The following LINGO2 variants were observed in gnomAD, a reference collection of about 807,000 sequenced individuals.
LINGO2 encodes leucine rich repeat and Ig domain containing 2.
A neutral mutation model predicts 30.6 loss-of-function variants in LINGO2; 14 were observed. The ratio of observed to expected loss-of-function variants is 0.46; its 90% CI spans 0.30 to 0.72. The LOEUF is 0.72. Ranked by LOEUF, LINGO2 falls within the 30% of genes least tolerant of loss-of-function variation. The pLI, the probability that LINGO2 is intolerant of heterozygous loss-of-function variation, is 0.07. For missense variants in LINGO2, 729 were observed against 751.7 expected, an observed-to-expected ratio of 0.97 and a Z score of 0.35; for synonymous variants, 317 against 288.5, an observed-to-expected ratio of 1.10 and a Z score of -1.00.
chr9:28,294,881 A>G (rs10968458), intron 4 of LINGO2, among the ~76,000 whole-genome samples: 10,989 of 152,226 alleles, frequency 0.072, 722 homozygotes, highest in East Asian at 0.38. Flanking sequence ...CACTTTCTCT[A>G]ATGCACCTTC....
intron 1 of LINGO2, among the ~76,000 whole-genome samples, chr9:28,601,725 T>G (rs929469984): frequency 2.6e-5 from 4 of 152,128 alleles, no homozygotes; most frequent in African/African-American, 9.6e-5. Context: ...AAACTCCTGC[T>G]GAGAAAGAAG....
intron 1 of LINGO2, among the ~76,000 whole-genome samples, chr9:28,517,576 A>G (rs1820670822): frequency 6.6e-6 from 1 of 152,184 alleles, no homozygotes; most frequent in Non-Finnish European, 1.5e-5. Context: ...AAACTGGTAA[A>G]TTGCATTTTA....
the LINGO2 span, among the ~76,000 whole-genome samples, chr9:29,066,647 T>C: frequency 6.6e-6 from 1 of 151,918 alleles, no homozygotes; most frequent in Admixed American, 6.6e-5. Context: ...AAGCATCTAG[T>C]TAATACTAAA....
At chr9:28,058,034 A>G (rs978795061) in intron 4 of LINGO2, among the ~76,000 whole-genome samples, 6 of 152,112 alleles carry the variant, frequency 3.9e-5, no homozygotes, top group Non-Finnish European at 7.4e-5. Flanking sequence ...GATAATTTTT[A>G]TATCTTTGGA....
At chr9:28,628,800 G>A (rs1204887499) in intron 1 of LINGO2, among the ~76,000 whole-genome samples, 1 of 152,160 alleles carries the variant, frequency 6.6e-6, no homozygotes, top group Admixed American at 6.6e-5. Flanking sequence ...CCTCAGCAAT[G>A]ATGAGCCTCC....
chr9:28,745,644 G>T, the LINGO2 span, among the ~76,000 whole-genome samples: 1 of 152,020 alleles, frequency 6.6e-6, no homozygotes, highest in African/African-American at 2.4e-5. Flanking sequence ...TTCATTAAAA[G>T]ATTGATATGT....
chr9:28,430,101 C>CGTGA (rs1554720059), intron 2 of LINGO2, among the ~76,000 whole-genome samples: 3 of 77,032 alleles, frequency 3.9e-5, no homozygotes, highest in African/African-American at 6.5e-5. Context: ...TTTCCACGCG[C>CGTGA]GCGCGCGCGT....
At position 28,341,328 on chromosome 9, in the gene LINGO2, G is replaced by A. The variant is rs560639612; in HGVS notation, c.-246+31508C>T. Among the ~76,000 whole-genome samples the A allele has an allele frequency of 4.6e-5, 7 of 152,152 alleles. No homozygotes were observed. In the South Asian group the frequency reaches 1.2e-3, roughly 27 times the overall value. On this transcript the variant is annotated intron_variant, in intron 3 of 5. Transcript: ENST00000379992. ...AAAGAGATGTTTTTCCACCTACTGT[G>A]TTACCAGTCATTTTGGTCATATGTT... is the stretch of plus-strand genomic sequence containing the variant.
intron 1 of LINGO2, among the ~76,000 whole-genome samples, chr9:28,531,941 T>C (rs776055814): frequency 4.6e-5 from 7 of 152,214 alleles, no homozygotes; most frequent in Non-Finnish European, 1.0e-4. Flanking sequence ...TAAAATGGCA[T>C]GTTAAAATTG....
At chr9:28,541,038 C>T (rs541088658) in intron 1 of LINGO2, among the ~76,000 whole-genome samples, 1 of 152,194 alleles carries the variant, frequency 6.6e-6, no homozygotes, top group South Asian at 2.1e-4. Context: ...TTTCTGATAG[C>T]ATTCAAGAAG....
At chr9:29,175,464 A>C in the LINGO2 span, among the ~76,000 whole-genome samples, 2 of 151,652 alleles carry the variant, frequency 1.3e-5, no homozygotes, top group Non-Finnish European at 2.9e-5. Context: ...AAATAGTGGC[A>C]TCTCACAGAG....
intron 4 of LINGO2, among the ~76,000 whole-genome samples, chr9:28,167,820 A>G (rs1313936881): frequency 1.3e-5 from 2 of 152,248 alleles, no homozygotes; most frequent in Admixed American, 6.5e-5. Context: ...CATCCTACAG[A>G]TAAAAGAGCC....
intron 1 of LINGO2, among the ~76,000 whole-genome samples, chr9:28,593,823 C>T (rs1408950613): frequency 6.6e-6 from 1 of 151,920 alleles, no homozygotes; most frequent in Non-Finnish European, 1.5e-5. Flanking sequence ...ATATTTAATT[C>T]CAAAGAACAT....
chr9:28,895,915 A>G, the LINGO2 span, among the ~76,000 whole-genome samples: 3 of 152,180 alleles, frequency 2.0e-5, no homozygotes, highest in Admixed American at 1.3e-4. Flanking sequence ...GAGGTAGCTA[A>G]GTATACATAT....
At chr9:28,634,661 T>C (rs1827172300) in intron 1 of LINGO2, among the ~76,000 whole-genome samples, 1 of 151,916 alleles carries the variant, frequency 6.6e-6, no homozygotes, top group Non-Finnish European at 1.5e-5. Flanking sequence ...AACTTTTGTA[T>C]TTTTGGTAGA....
At chr9:28,977,614 C>G in the LINGO2 span, among the ~76,000 whole-genome samples, 1 of 151,844 alleles carries the variant, frequency 6.6e-6, no homozygotes, top group Non-Finnish European at 1.5e-5. Context: ...TGGATATGAC[C>G]AAATCAAAGC....
At chr9:29,031,129 G>T in the LINGO2 span, among the ~76,000 whole-genome samples, 5 of 152,138 alleles carry the variant, frequency 3.3e-5, no homozygotes, top group Non-Finnish European at 5.9e-5. Context: ...TGTCTGGTAA[G>T]ATCAAGAAGG....
chr9:28,378,608 C>T (rs938057801), intron 2 of LINGO2, among the ~76,000 whole-genome samples: 4 of 152,156 alleles, frequency 2.6e-5, no homozygotes, highest in African/African-American at 9.7e-5. Flanking sequence ...ACTGATGAGG[C>T]TACGGAACTG....
Position 28,148,798 on chromosome 9 carries a change from G to T in LINGO2, c.-86-136393C>A. ...CTGCCCCAGTTCCAGGCTGCTCCCTGTGGCCAGAGAAGGCGGCCTTGAAGG... is the reference window on the plus strand; with the variant it reads ...CTGCCCCAGTTCCAGGCTGCTCCCTTTGGCCAGAGAAGGCGGCCTTGAAGG... On this transcript the variant is annotated intron_variant, in intron 4 of 5. Transcript: ENST00000379992. This position sits in a 1 kb window ranked among gnomAD's most constrained non-coding sequence, Gnocchi z 5.1. 6.5e-7 allele frequency: 1 copy of T among 1,534,020 alleles called. No homozygotes were observed. The highest frequency in any genetic ancestry group is 1.2e-5 in the South Asian group (1 of 83,958).
Sources: allele counts gnomAD v4.1 joint callset (sites outside exome capture counted in the v4.1 genomes callset), GRCh38; gene constraint gnomAD v4.1.1; non-coding constraint Gnocchi (gnomAD v3.1); transcripts MANE v1.5; gene names NCBI Gene and HGNC (gene_info 2026-07-23, HGNC 2026-07-21).